The following PRPH variants were observed in gnomAD, a reference collection of about 807,000 sequenced individuals.
PRPH encodes neurofilament 4 (57kD).
Under a neutral mutation model 52.6 loss-of-function variants are expected in PRPH, and 48 were observed. That is an observed-to-expected ratio of 0.91 (90% confidence interval 0.72 to 1.16). PRPH has a LOEUF of 1.16. Among genes scored for constraint, PRPH ranks in the 50% most tolerant of loss-of-function variants. The pLI is 0.00. For missense variants in PRPH, 579 were observed against 635.7 expected (o/e 0.91, Z 0.96); for synonymous variants, 279 against 283.8 (o/e 0.98, Z 0.17).
chr12:49,298,376 C>T lies in PRPH; in HGVS notation c.*23C>T. 2 of 1,613,680 alleles carry T rather than the reference C, an allele frequency of 1.2e-6. No individual in the cohort carries two copies. The highest frequency in any genetic ancestry group is 1.7e-6 in the Non-Finnish European group (2 of 1,179,638). On this transcript the variant is annotated 3_prime_UTR_variant, in exon 9 of 9. Coordinates refer to ENST00000257860, the MANE Select transcript of PRPH (RefSeq NM_006262.4). ...TGAACCCCTTGGTCCGGAGCCTTGA[C>T]TCTGCCCTAGGCCTGCTCAAAGCCC...
Position 49,296,045 on chromosome 12 carries a change from A to C in PRPH, c.546-133A>C. On this transcript the variant is annotated intron_variant, in intron 1 of 8. Coordinates refer to ENST00000257860, the MANE Select transcript of PRPH (RefSeq NM_006262.4). The surrounding 1 kb of genome is among the most constrained non-coding windows in gnomAD (Gnocchi z 5.1). ...AGAGACAATGCGGGGCAATTCCATT[A>C]GACAGCCTCAGCCCTCCATTTAGAG... 2.3e-6 allele frequency: 3 copies of C among 1,310,918 alleles called. No individual in the cohort carries two copies. Among genetic ancestry groups the C allele is most frequent in the Non-Finnish European group, 3.2e-6 (3 of 943,390 alleles). The allele number at this position is 1,310,918 out of a possible 1,614,324, so 81.2% of individuals were successfully genotyped here. A position where few individuals can be genotyped will look rare whatever the true frequency, so the allele number is the denominator to read the frequency against.
In PRPH at chr12:49,295,705, C is replaced by T; in HGVS notation, c.505C>T (p.Arg169Cys). Residue 169 changes from arginine to cysteine, a missense_variant, in exon 1 of 9, where the codon CGC becomes TGC. Physicochemically the swap from Arg to Cys is radical, Grantham distance 180 (BLOSUM62 -3). Transcript: ENST00000257860. ...GRERDRVQVERDGLAEDLAAL... is the reference protein window; with the variant it reads ...GRERDRVQVECDGLAEDLAAL... ...CGAGCGTGACCGGGTGCAGGTGGAGCGCGACGGGCTGGCGGAGGACCTGGC... is the reference window on the plus strand; with the variant it reads ...CGAGCGTGACCGGGTGCAGGTGGAGTGCGACGGGCTGGCGGAGGACCTGGC... 3 of 1,527,366 alleles carry T rather than the reference C, an allele frequency of 2.0e-6. No homozygotes were observed. Among genetic ancestry groups the T allele is most frequent in the African/African-American group, 2.8e-5 (2 of 72,318 alleles). The allele number at this position is 1,527,366 out of a possible 1,614,324, so 94.6% of individuals were successfully genotyped here. A position where few individuals can be genotyped will look rare whatever the true frequency, so the allele number is the denominator to read the frequency against.
rs765532063 is a variant in PRPH, at chr12:49,295,300, T to C, written c.100T>C (p.Tyr34His). Residue 34 changes from tyrosine to histidine, a missense_variant, in exon 1 of 9, where the codon TAC becomes CAC. Coordinates refer to ENST00000257860, the MANE Select transcript of PRPH (RefSeq NM_006262.4). ...CTCACTATCCCCCGGGGCCTTCTCC[T>C]ACTCGTCCAGCTCCCGCTTCTCCAG... is the stretch of plus-strand genomic sequence containing the variant. ...PPSLSPGAFS[Y>H]SSSSRFSSSR... 8.1e-5 allele frequency: 131 copies of C among 1,611,750 alleles called. No homozygotes were observed. The East Asian group carries it at 2.9e-3, about 36-fold the overall frequency.
Position 49,296,444 on chromosome 12 carries a change from G to A in PRPH, c.619G>A (p.Ala207Thr), listed in dbSNP as rs762568255. 6.2e-7 allele frequency: 1 copy of A among 1,614,154 alleles called. No homozygotes were observed. Among genetic ancestry groups the A allele is most frequent in the Non-Finnish European group, 8.5e-7 (1 of 1,180,026 alleles). Reference protein sequence around the residue: ...LVLFRKDVDDATLSRLELERK... With the variant: ...LVLFRKDVDDTTLSRLELERK... ...CCACCCCTCGAAGGACGTGGACGAT[G>A]CCACTCTGTCCCGCCTGGAACTAGA... The change falls in exon 3 of 9, where the codon GCC (alanine) becomes ACC (threonine). Residue 207 changes from alanine (A) to threonine (T), a missense_variant. Ala to Thr is a moderately conservative substitution (Grantham distance 58, BLOSUM62 0). Transcript: ENST00000257860. The surrounding 1 kb of genome is among the most constrained non-coding windows in gnomAD (Gnocchi z 5.1).
In PRPH at chr12:49,297,249, C is replaced by A. The variant is rs778838111; in HGVS notation, c.972C>A (p.Cys324Ter). The change falls in exon 5 of 9, where the codon TGC becomes TGA. Residue 324 changes from cysteine (C) to a stop codon, truncating the protein, a stop_gained. Coordinates refer to ENST00000257860, the MANE Select transcript of PRPH (RefSeq NM_006262.4). LOFTEE classifies it high-confidence loss of function. This position sits in a 1 kb window ranked among gnomAD's most constrained non-coding sequence, Gnocchi z 4.4. ...ESRRQIQSLT[C>*]EVDGLRGTNE... ...GACGCCAGATCCAGAGTCTAACGTGCGAGGTGGACGGGCTGCGCGGCACGG... is the reference window on the plus strand; with the variant it reads ...GACGCCAGATCCAGAGTCTAACGTGAGAGGTGGACGGGCTGCGCGGCACGG... 6.2e-7 allele frequency: 1 copy of A among 1,613,968 alleles called. No individual in the cohort carries two copies. Among genetic ancestry groups the A allele is most frequent in the Non-Finnish European group, 8.5e-7 (1 of 1,179,998 alleles).
In PRPH at chr12:49,297,187, G is replaced by A. The variant is rs367835294; in HGVS notation, c.910G>A (p.Ala304Thr). 11 of 1,613,918 alleles carry A rather than the reference G, an allele frequency of 6.8e-6. No individual in the cohort carries two copies. The African/African-American group carries it at 1.5e-4, about 22-fold the overall frequency. ...CGACGCTGCCAACCGGAACCACGAGGCCCTGCGCCAGGCCAAGCAGGAGAT... is the reference window on the plus strand; with the variant it reads ...CGACGCTGCCAACCGGAACCACGAGACCCTGCGCCAGGCCAAGCAGGAGAT... Reference protein sequence around the residue: ...LSDAANRNHEALRQAKQEMNE... With the variant: ...LSDAANRNHETLRQAKQEMNE... Residue 304 changes from alanine (A) to threonine (T), a missense_variant, in exon 5 of 9, where the codon GCC (alanine) becomes ACC (threonine). Transcript: ENST00000257860. This position sits in a 1 kb window ranked among gnomAD's most constrained non-coding sequence, Gnocchi z 4.4.
rs1030904198 is a variant in PRPH at position 49,297,952 on chromosome 12, C to T, written c.1268-6C>T. 1.2e-6 allele frequency: 2 copies of T among 1,614,008 alleles called. No homozygotes were observed. The highest frequency in any genetic ancestry group is 2.7e-5 in the African/African-American group (2 of 74,914). On this transcript the variant is annotated splice_region_variant and splice_polypyrimidine_tract_variant and intron_variant, in intron 7 of 8. Coordinates refer to ENST00000257860, the MANE Select transcript of PRPH (RefSeq NM_006262.4). The surrounding 1 kb of genome is among the most constrained non-coding windows in gnomAD (Gnocchi z 4.4). The stretch of plus-strand genomic sequence containing the variant: ...CCCCTTGAACCCTTTATCCTGCTTT[C>T]TTCAGTGCCTGAGGTGGAGCCTCCC...
In PRPH at chr12:49,296,106, G is replaced by T; in HGVS notation, c.546-72G>T. On this transcript the variant is annotated intron_variant, in intron 1 of 8. Transcript: ENST00000257860. This position sits in a 1 kb window ranked among gnomAD's most constrained non-coding sequence, Gnocchi z 5.1. The stretch of plus-strand genomic sequence containing the variant: ...CAGAACAGCCTCTAACCGGATCCTG[G>T]GGGGCGTGCGGTCTGGGGTGCGAGC... 2 of 1,505,440 alleles carry T rather than the reference G, an allele frequency of 1.3e-6. No individual in the cohort carries two copies. Among genetic ancestry groups the T allele is most frequent in the East Asian group, 4.6e-5 (2 of 43,162 alleles). The allele number at this position is 1,505,440 out of a possible 1,614,324, so 93.3% of individuals were successfully genotyped here.
Position 49,295,690 on chromosome 12 carries a change from C to T in PRPH, c.490C>T (p.Arg164Trp), listed in dbSNP as rs778432292. Residue 164 changes from arginine to tryptophan, a missense_variant, in exon 1 of 9, where the codon CGG becomes TGG. Transcript: ENST00000257860. ...GGAGCTGTTGGGCCGCGAGCGTGAC[C>T]GGGTGCAGGTGGAGCGCGACGGGCT... ...ELELLGRERD[R>W]VQVERDGLAE... 2.5e-5 allele frequency: 39 copies of T among 1,532,734 alleles called. No individual in the cohort carries two copies. The South Asian group carries it at 4.3e-4, about 17-fold the overall frequency. 94.9% of individuals were successfully genotyped at this position (1,532,734 alleles called of 1,614,324 possible). A position where few individuals can be genotyped will look rare whatever the true frequency, so the allele number is the denominator to read the frequency against.
Position 49,297,252 on chromosome 12 carries a change from G to A in PRPH, c.975G>A (p.Glu325=), listed in dbSNP as rs772102714. Residue 325 remains glutamate (E), a synonymous_variant, in exon 5 of 9, where the codon GAG becomes GAA. Coordinates refer to ENST00000257860, the MANE Select transcript of PRPH (RefSeq NM_006262.4). The surrounding 1 kb of genome is among the most constrained non-coding windows in gnomAD (Gnocchi z 4.4). The part of the protein sequence containing the change: ...SRRQIQSLTC[E]VDGLRGTNEA... ...GCCAGATCCAGAGTCTAACGTGCGA[G>A]GTGGACGGGCTGCGCGGCACGGTGA... is the stretch of plus-strand genomic sequence containing the variant. The A allele has an allele frequency of 1.2e-6, 2 of 1,614,064 alleles. No individual in the cohort carries two copies. Among genetic ancestry groups the A allele is most frequent in the Admixed American group, 1.7e-5 (1 of 60,026 alleles).
Position 49,297,469 on chromosome 12 carries a change from A to T in PRPH, c.1109A>T (p.Glu370Val). 3 of 1,612,656 alleles carry T rather than the reference A, an allele frequency of 1.9e-6. No homozygotes were observed. Among genetic ancestry groups the T allele is most frequent in the African/African-American group, 1.3e-5 (1 of 74,998 alleles). ...RLEEELRQLK[E>V]EMARHLREYQ... ...GAGGAGGAGCTGCGACAGCTAAAAGAGGAGATGGCGCGGCACCTGAGGGAG... is the reference window on the plus strand; with the variant it reads ...GAGGAGGAGCTGCGACAGCTAAAAGTGGAGATGGCGCGGCACCTGAGGGAG... The change falls in exon 6 of 9, where the codon GAG (glutamate) becomes GTG (valine). Residue 370 changes from glutamate to valine, a missense_variant. Glu to Val is a moderately radical substitution (Grantham distance 121). Coordinates refer to ENST00000257860, the MANE Select transcript of PRPH (RefSeq NM_006262.4). The surrounding 1 kb of genome is among the most constrained non-coding windows in gnomAD (Gnocchi z 4.4).
At chr12:49,295,935 CTGAG>C in intron 1 of PRPH, 190 bp downstream of exon 1, 3 of 1,450,970 alleles carry the variant, frequency 2.1e-6, no homozygotes, top group Non-Finnish European at 2.7e-6. Context: ...CCCCTTTGCT[CTGAG>C]TGTTTGGGGA....
chr12:49,298,345 A>G lies in PRPH; in HGVS notation c.1405A>G (p.Ser469Gly). 1 of 1,614,172 alleles carries G rather than the reference A, an allele frequency of 6.2e-7. No individual in the cohort carries two copies. Residue 469 changes from serine to glycine, a missense_variant, in exon 9 of 9, where the codon AGT becomes GGT. Physicochemically the swap from Ser to Gly is moderately conservative, Grantham distance 56. Coordinates refer to ENST00000257860, the MANE Select transcript of PRPH (RefSeq NM_006262.4). ...RSELDKSSAH[S>G]Y The stretch of plus-strand genomic sequence containing the variant: ...TGAGCTGGACAAGTCTTCTGCCCAC[A>G]GTTACTGAACCCCTTGGTCCGGAGC...
rs763994010 is a variant in PRPH at position 49,297,453 on chromosome 12, C to G, written c.1093C>G (p.Leu365Val). 1 of 1,611,302 alleles carries G rather than the reference C, an allele frequency of 6.2e-7. No individual in the cohort carries two copies. Among genetic ancestry groups the G allele is most frequent in the African/African-American group, 1.3e-5 (1 of 74,888 alleles). Residue 365 changes from leucine (L) to valine (V), a missense_variant, in exon 6 of 9, where the codon CTG (leucine) becomes GTG (valine). Coordinates refer to ENST00000257860, the MANE Select transcript of PRPH (RefSeq NM_006262.4). The surrounding 1 kb of genome is among the most constrained non-coding windows in gnomAD (Gnocchi z 4.4). Reference protein sequence around the residue: ...QAGAARLEEELRQLKEEMARH... With the variant: ...QAGAARLEEEVRQLKEEMARH... ...GGGCGCTGCGCGGCTCGAGGAGGAG[C>G]TGCGACAGCTAAAAGAGGAGATGGC...
In PRPH at chr12:49,296,757, G is replaced by GGGCT; in HGVS notation, c.703-130_703-127dup. 1 of 1,409,112 alleles carries GGGCT rather than the reference G, an allele frequency of 7.1e-7. No individual in the cohort carries two copies. Among genetic ancestry groups the GGGCT allele is most frequent in the South Asian group, 1.3e-5 (1 of 79,336 alleles). 87.3% of individuals were successfully genotyped at this position (1,409,112 alleles called of 1,614,324 possible). A position where few individuals can be genotyped will look rare whatever the true frequency, so the allele number is the denominator to read the frequency against. The stretch of plus-strand genomic sequence containing the variant: ...CTGGTCTCGCGCCCGCGGGGGCGCA[G>GGGCT]GGCTGTACGCCCTGCCCTCCCTGGC... On this transcript the variant is annotated intron_variant, in intron 3 of 8. Transcript: ENST00000257860. This position sits in a 1 kb window ranked among gnomAD's most constrained non-coding sequence, Gnocchi z 5.1.
chr12:49,295,173 G>A lies in PRPH; in HGVS notation c.-28G>A. On this transcript the variant is annotated 5_prime_UTR_variant, in exon 1 of 9. Coordinates refer to ENST00000257860, the MANE Select transcript of PRPH (RefSeq NM_006262.4). ...TTCCCAGCCCCCGGCCTAGCTCTGC[G>A]AACGGTGACTGCCCATCCTTGGCCG... 1.2e-6 allele frequency: 2 copies of A among 1,605,954 alleles called. No individual in the cohort carries two copies. Among genetic ancestry groups the A allele is most frequent in the Non-Finnish European group, 1.7e-6 (2 of 1,177,734 alleles).
At position 49,297,191 on chromosome 12, in the gene PRPH, T is replaced by G; in HGVS notation, c.914T>G (p.Leu305Arg). ...SDAANRNHEA[L>R]RQAKQEMNES... ...GCTGCCAACCGGAACCACGAGGCCC[T>G]GCGCCAGGCCAAGCAGGAGATGAAC... The change falls in exon 5 of 9, where the codon CTG (leucine) becomes CGG (arginine). Residue 305 changes from leucine (L) to arginine (R), a missense_variant. Leu to Arg is a moderately radical substitution (Grantham distance 102). Transcript: ENST00000257860. This position sits in a 1 kb window ranked among gnomAD's most constrained non-coding sequence, Gnocchi z 4.4. 2 of 1,613,992 alleles carry G rather than the reference T, an allele frequency of 1.2e-6. No homozygotes were observed. The highest frequency in any genetic ancestry group is 1.7e-6 in the Non-Finnish European group (2 of 1,179,972).
Position 49,297,326 on chromosome 12 carries a change from G to A in PRPH, c.997-31G>A. 6.2e-7 allele frequency: 1 copy of A among 1,613,704 alleles called. No homozygotes were observed. Among genetic ancestry groups the A allele is most frequent in the Non-Finnish European group, 8.5e-7 (1 of 1,180,000 alleles). On this transcript the variant is annotated intron_variant, in intron 5 of 8. Coordinates refer to ENST00000257860, the MANE Select transcript of PRPH (RefSeq NM_006262.4). This position sits in a 1 kb window ranked among gnomAD's most constrained non-coding sequence, Gnocchi z 4.4. ...CGGGGAGCGGACGATGAAATGTTCT[G>A]CAACTGGCCCCTTCCACTCTCCTAC...
Position 49,297,162 on chromosome 12 carries a change from C to A in PRPH, c.885C>A (p.Ser295=). The A allele has an allele frequency of 6.2e-7, 1 of 1,613,990 alleles. No homozygotes were observed. Among genetic ancestry groups the A allele is most frequent in the Non-Finnish European group, 8.5e-7 (1 of 1,179,980 alleles). ...CCACTTCTCAGTACGCGGACCTGTC[C>A]GACGCTGCCAACCGGAACCACGAGG... is the stretch of plus-strand genomic sequence containing the variant. ...EWYKSKYADL[S]DAANRNHEAL... is the part of the protein sequence containing the mutation. The change falls in exon 5 of 9, where the codon TCC becomes TCA. Residue 295 remains serine (S), a synonymous_variant. Transcript: ENST00000257860. The surrounding 1 kb of genome is among the most constrained non-coding windows in gnomAD (Gnocchi z 4.4).
Sources: allele counts gnomAD v4.1 joint callset, GRCh38; gene constraint gnomAD v4.1.1; non-coding constraint Gnocchi (gnomAD v3.1); transcripts MANE v1.5; gene names NCBI Gene and HGNC (gene_info 2026-07-23, HGNC 2026-07-21).